The following SLC6A11 variants were observed in gnomAD, a reference collection of about 807,000 sequenced individuals.
The protein encoded by SLC6A11 is sodium- and chloride-dependent GABA transporter 3.
Under a neutral mutation model 74.8 loss-of-function variants are expected in SLC6A11, and 25 were observed. The ratio of observed to expected loss-of-function variants is 0.33; its 90% CI spans 0.24 to 0.47. SLC6A11 has a LOEUF of 0.47. Among genes scored for constraint, SLC6A11 ranks in the 20% least tolerant of loss-of-function variants. The pLI is 1.00. For synonymous variants in SLC6A11, 330 were observed against 330.2 expected (o/e 1.00, Z 0.01); for missense variants, 574 against 837.0 (o/e 0.69, Z 3.88).
intron 5 of SLC6A11, among the ~76,000 whole-genome samples, chr3:10,859,113 A>T (rs777998746): frequency 2.9e-4 from 44 of 151,954 alleles, no homozygotes; most frequent in Non-Finnish European, 5.6e-4. Context: ...TAAAAAGGCC[A>T]CCATAAAATG....
At chr3:10,878,404 CTT>C (rs34982364) in intron 6 of SLC6A11, among the ~76,000 whole-genome samples, 14 of 128,120 alleles carry the variant, frequency 1.1e-4, no homozygotes, top group Admixed American at 2.3e-4. Context: ...TCCACTCATC[CTT>C]TTTTTTTTTT....
intron 5 of SLC6A11, among the ~76,000 whole-genome samples, chr3:10,856,879 C>T (rs1166182844): frequency 6.6e-6 from 1 of 152,168 alleles, no homozygotes; most frequent in Non-Finnish European, 1.5e-5. Context: ...GCTGTTTCCT[C>T]AGCTTTACCT....
chr3:10,891,925 A>G (rs1274453338), intron 6 of SLC6A11, among the ~76,000 whole-genome samples: 5 of 152,232 alleles, frequency 3.3e-5, no homozygotes, highest in African/African-American at 4.8e-5. Context: ...GAAAGCATCA[A>G]ATAGGCAGAT....
intron 5 of SLC6A11, among the ~76,000 whole-genome samples, chr3:10,846,216 A>C (rs916754274): frequency 3.3e-5 from 5 of 152,230 alleles, no homozygotes; most frequent in Non-Finnish European, 7.3e-5. Context: ...TTTACTATAT[A>C]CTTAGCATTA....
At chr3:10,862,453 G>C (rs3774113) in intron 5 of SLC6A11, among the ~76,000 whole-genome samples, 13,319 of 152,156 alleles carry the variant, frequency 0.088, 1,134 homozygotes, top group African/African-American at 0.22. Flanking sequence ...CTCCCTCATC[G>C]AGTGAATTTT....
chr3:10,893,724 G>T (rs996849882), intron 6 of SLC6A11, among the ~76,000 whole-genome samples: 1 of 152,082 alleles, frequency 6.6e-6, no homozygotes, highest in African/African-American at 2.4e-5. Context: ...CTTGTGGGTT[G>T]GTTCTACCTG....
intron 6 of SLC6A11, among the ~76,000 whole-genome samples, chr3:10,900,957 C>T (rs1465565172): frequency 6.6e-6 from 1 of 152,104 alleles, no homozygotes; most frequent in Non-Finnish European, 1.5e-5. Flanking sequence ...GTTTTGGCTG[C>T]TAGAATGAAT....
chr3:10,864,002 T>C (rs944544605), intron 5 of SLC6A11, among the ~76,000 whole-genome samples: 5 of 152,164 alleles, frequency 3.3e-5, no homozygotes, highest in African/African-American at 4.8e-5. Flanking sequence ...ATATTTTCTG[T>C]CTTCTAGAAT....
chr3:10,927,305 C>T (rs1339730498), intron 9 of SLC6A11, among the ~76,000 whole-genome samples: 5 of 152,088 alleles, frequency 3.3e-5, no homozygotes, highest in Non-Finnish European at 5.9e-5. Context: ...GGCCCCGGCT[C>T]GGCGAGTCCC....
At position 10,938,569 on chromosome 3, in the gene SLC6A11, C is replaced by T; in HGVS notation, c.*167C>T. On this transcript the variant is annotated 3_prime_UTR_variant, in exon 14 of 14. Coordinates refer to ENST00000254488, the MANE Select transcript of SLC6A11 (RefSeq NM_014229.3). ...ACTGTACACTGCTCTAAAGTCATAT[C>T]CCCTCCCCGCCCCCAGTCATCATGG... 1.8e-6 allele frequency: 1 copy of T among 545,652 alleles called. No individual in the cohort carries two copies. The highest frequency in any genetic ancestry group is 3.1e-6 in the Non-Finnish European group (1 of 320,386). 33.8% of individuals were successfully genotyped at this position (545,652 alleles called of 1,614,324 possible). A position where few individuals can be genotyped will look rare whatever the true frequency, so the allele number is the denominator to read the frequency against.
intron 7 of SLC6A11, among the ~76,000 whole-genome samples, chr3:10,917,690 C>T (rs544118538): frequency 8.5e-5 from 13 of 152,152 alleles, no homozygotes; most frequent in East Asian, 1.9e-4. Context: ...TGAGTCCCCC[C>T]GCTCCCAAGA....
intron 10 of SLC6A11, among the ~76,000 whole-genome samples, chr3:10,931,953 C>T (rs1003586057): frequency 3.1e-4 from 47 of 152,170 alleles, no homozygotes; most frequent in Non-Finnish European, 1.8e-4. Context: ...CCATGGCAGG[C>T]GCACAGGAGG....
intron 6 of SLC6A11, among the ~76,000 whole-genome samples, chr3:10,900,503 T>G (rs985479104): frequency 6.6e-6 from 1 of 152,238 alleles, no homozygotes; most frequent in Admixed American, 6.5e-5. Context: ...TTTCTCTATC[T>G]GCAGCCAGAC....
intron 6 of SLC6A11, among the ~76,000 whole-genome samples, chr3:10,896,577 G>GA (rs1414851449): frequency 6.6e-6 from 1 of 152,232 alleles, no homozygotes; most frequent in Non-Finnish European, 1.5e-5. Context: ...TTGACCCGTG[G>GA]AAAACTTCTA....
intron 5 of SLC6A11, among the ~76,000 whole-genome samples, chr3:10,848,289 G>A (rs1408232793): frequency 4.6e-5 from 7 of 152,212 alleles, no homozygotes; most frequent in African/African-American, 1.7e-4. Context: ...ATCAGGTCAC[G>A]AATAAGTTGA....
chr3:10,910,651 A>G (rs868789602), intron 6 of SLC6A11, among the ~76,000 whole-genome samples: 61 of 152,070 alleles, frequency 4.0e-4, no homozygotes, highest in Non-Finnish European at 5.7e-4. Flanking sequence ...CACATTGGAA[A>G]TTCTGGGACT....
intron 6 of SLC6A11, among the ~76,000 whole-genome samples, chr3:10,884,241 C>CATCAGTA (rs1298250890): frequency 6.6e-6 from 1 of 152,112 alleles, no homozygotes; most frequent in African/African-American, 2.4e-5. Flanking sequence ...GAGGTTGAAA[C>CATCAGTA]GCTGCTTGGG....
chr3:10,914,594 C>T (rs772605063), intron 7 of SLC6A11, among the ~76,000 whole-genome samples: 4 of 151,996 alleles, frequency 2.6e-5, no homozygotes, highest in African/African-American at 9.7e-5. Context: ...TTTGGGTGAC[C>T]GGATGACAAT....
intron 11 of SLC6A11, among the ~76,000 whole-genome samples, 158 bp downstream of exon 11, chr3:10,933,411 G>A (rs1695717076): frequency 6.6e-6 from 1 of 152,130 alleles, no homozygotes; most frequent in Admixed American, 6.5e-5. Context: ...TCCCACTGTT[G>A]GTAGACCTTC....
Sources: gnomAD v4.1 joint callset for allele counts (sites outside exome capture counted in the v4.1 genomes callset) on GRCh38, gnomAD v4.1.1 for gene constraint, MANE v1.5 for transcripts, NCBI Gene and HGNC (gene_info 2026-07-23, HGNC 2026-07-21) for gene names.